The following POU2F1 variants were observed in gnomAD, a reference collection of about 807,000 sequenced individuals.
POU2F1 encodes POU class 2 homeobox 1.
A neutral mutation model predicts 84.9 loss-of-function variants in POU2F1; 16 were observed. That is an observed-to-expected ratio of 0.19 (90% confidence interval 0.13 to 0.29). The LOEUF (loss-of-function observed/expected upper bound fraction) is 0.29, where lower values mean the gene tolerates loss of function less well. Among genes scored for constraint, POU2F1 ranks in the 10% least tolerant of loss-of-function variants. The probability of loss-of-function intolerance (pLI) is 1.00; values close to 1 mark genes in which losing one functional copy is unlikely to be tolerated. For missense variants in POU2F1, 738 were observed against 942.6 expected, an observed-to-expected ratio of 0.78 and a Z score of 2.84; for synonymous variants, 368 against 368.3, an observed-to-expected ratio of 1.00 and a Z score of 0.01.
chr1:167,329,915 A>G (rs116441939), intron 1 of POU2F1, among the ~76,000 whole-genome samples: 5 of 152,182 alleles, frequency 3.3e-5, no homozygotes, highest in African/African-American at 9.7e-5. Context: ...TATACTCTAG[A>G]TAACTACAAC....
intron 2 of POU2F1, among the ~76,000 whole-genome samples, chr1:167,351,969 C>T (rs1658615250): frequency 1.3e-5 from 2 of 152,054 alleles, no homozygotes; most frequent in African/African-American, 4.8e-5. Context: ...GAGGACTGTC[C>T]TCCCACCGCA....
Position 167,389,492 on chromosome 1 carries a change from C to G in POU2F1, c.814-96C>G, listed in dbSNP as rs1648230199. 8 of 1,321,330 alleles carry G rather than the reference C, an allele frequency of 6.1e-6. No homozygotes were observed. In the African/African-American group the frequency reaches 7.3e-5, roughly 12 times the overall value. 81.9% of individuals were successfully genotyped at this position (1,321,330 alleles called of 1,614,324 possible). On this transcript the variant is annotated intron_variant, in intron 8 of 15. Coordinates refer to ENST00000367866, the MANE Select transcript of POU2F1 (RefSeq NM_002697.4). The stretch of plus-strand genomic sequence containing the variant: ...AGTGTTACATGGTCTTCATCGTTAT[C>G]CATAAATGTGGCTCTTTCCTTCAGT...
At chr1:167,268,813 T>C (rs144844022) in intron 1 of POU2F1, among the ~76,000 whole-genome samples, 159 of 152,310 alleles carry the variant, frequency 1.0e-3, no homozygotes, top group African/African-American at 3.4e-3. Flanking sequence ...TTAGAGAAGC[T>C]GCAACCCAGG....
At chr1:167,264,719 C>G (rs1016822963) in intron 1 of POU2F1, among the ~76,000 whole-genome samples, 1 of 151,976 alleles carries the variant, frequency 6.6e-6, no homozygotes, top group Non-Finnish European at 1.5e-5. Flanking sequence ...CTTTTTTTAT[C>G]TTTTTTCTTA....
intron 2 of POU2F1, among the ~76,000 whole-genome samples, chr1:167,351,706 G>A (rs190566478): frequency 6.6e-6 from 1 of 151,942 alleles, no homozygotes; most frequent in South Asian, 2.1e-4. Flanking sequence ...TTCCAGGCTG[G>A]ATATTTCATA....
chr1:167,285,256 G>T (rs1194921344), intron 1 of POU2F1, among the ~76,000 whole-genome samples: 3 of 152,214 alleles, frequency 2.0e-5, no homozygotes, highest in Non-Finnish European at 2.9e-5. Context: ...CATGGAGGGT[G>T]TTGAGTAAAT....
At chr1:167,314,842 C>G (rs1655767044) in intron 1 of POU2F1, among the ~76,000 whole-genome samples, 1 of 152,160 alleles carries the variant, frequency 6.6e-6, no homozygotes, top group African/African-American at 2.4e-5. Flanking sequence ...CCACCCAGAT[C>G]TCATGTCAAA....
chr1:167,397,966 T>C (rs1648930039), intron 10 of POU2F1, 28 bp from the exon 11 acceptor site: 1 of 1,593,810 alleles, frequency 6.3e-7, no homozygotes. Context: ...CAGCTAATTT[T>C]ATTTCTGTAT....
At chr1:167,340,431 C>CTTTTTTTTTTTTTTTTTTTT (rs761386225) in intron 2 of POU2F1, among the ~76,000 whole-genome samples, 1 of 122,326 alleles carries the variant, frequency 8.2e-6, no homozygotes, top group African/African-American at 3.4e-5. Flanking sequence ...TTCTTTTTTT[C>CTTTTTTTTTTTTTTTTTTTT]TTTTTTTTTT....
chr1:167,221,943 GGGGCTTCGC>G (rs1380686790), intron 1 of POU2F1, among the ~76,000 whole-genome samples: 1 of 152,064 alleles, frequency 6.6e-6, no homozygotes, highest in Non-Finnish European at 1.5e-5. Context: ...GTTGTCGGCC[GGGGCTTCGC>G]GGGCGAGTTG....
intron 12 of POU2F1, 107 bp downstream of exon 12, chr1:167,399,472 C>A: frequency 1.0e-6 from 1 of 966,210 alleles, no homozygotes; most frequent in Non-Finnish European, 1.5e-6. Flanking sequence ...TGAATAAATA[C>A]ATCAAATAAA....
chr1:167,262,440 A>G (rs1326740815), intron 1 of POU2F1, among the ~76,000 whole-genome samples: 2 of 152,332 alleles, frequency 1.3e-5, no homozygotes, highest in Admixed American at 1.3e-4. Flanking sequence ...TATTCAGTGT[A>G]CTTTGTTCAG....
chr1:167,321,136 T>C (rs534743472), intron 1 of POU2F1, among the ~76,000 whole-genome samples: 2 of 152,260 alleles, frequency 1.3e-5, no homozygotes, highest in African/African-American at 4.8e-5. Context: ...AAGTAATATT[T>C]CTCGAGTGGG....
Position 167,401,610 on chromosome 1 carries a change from G to A in POU2F1, c.1555+54G>A. ...TGAGCACATGGGAGGCCCGTTTTGG[G>A]TTATTATAAGAGTCTACCATTAAAT... On this transcript the variant is annotated intron_variant, in intron 13 of 15. Coordinates refer to ENST00000367866, the MANE Select transcript of POU2F1 (RefSeq NM_002697.4). 4 of 1,226,140 alleles carry A rather than the reference G, an allele frequency of 3.3e-6. No individual in the cohort carries two copies. The South Asian group carries it at 4.5e-5, about 14-fold the overall frequency. 76.0% of individuals were successfully genotyped at this position (1,226,140 alleles called of 1,614,324 possible).
At chr1:167,329,484 A>G (rs897916901) in intron 1 of POU2F1, among the ~76,000 whole-genome samples, 2 of 152,200 alleles carry the variant, frequency 1.3e-5, no homozygotes, top group African/African-American at 4.8e-5. Context: ...AATTTGCAGT[A>G]GGTCCCTCCC....
At chr1:167,351,233 A>G (rs1658539157) in intron 2 of POU2F1, among the ~76,000 whole-genome samples, 1 of 152,098 alleles carries the variant, frequency 6.6e-6, no homozygotes, top group African/African-American at 2.4e-5. Flanking sequence ...ACGTGCCTGT[A>G]ATCTCAGCTC....
intron 1 of POU2F1, among the ~76,000 whole-genome samples, chr1:167,322,957 A>G (rs1423776895): frequency 6.6e-6 from 1 of 152,180 alleles, no homozygotes; most frequent in African/African-American, 2.4e-5. Context: ...CATTCCGGTA[A>G]ACCAACAACC....
chr1:167,412,478 T>C (rs916583757), intron 14 of POU2F1, among the ~76,000 whole-genome samples, 174 bp downstream of exon 14: 1 of 152,194 alleles, frequency 6.6e-6, no homozygotes, highest in Admixed American at 6.5e-5. Flanking sequence ...TAGTTGAGTT[T>C]ATGTTTCTTA....
intron 1 of POU2F1, among the ~76,000 whole-genome samples, chr1:167,269,149 A>G (rs1257550720): frequency 2.0e-5 from 3 of 151,560 alleles, no homozygotes; most frequent in Admixed American, 2.0e-4. Context: ...GAGAAATAAC[A>G]AACAAGCTTT....
Sources: allele counts gnomAD v4.1 joint callset (sites outside exome capture counted in the v4.1 genomes callset), GRCh38; gene constraint gnomAD v4.1.1; transcripts MANE v1.5; gene names NCBI Gene and HGNC (gene_info 2026-07-23, HGNC 2026-07-21).